ZBTB8A: variants seen among roughly 807,000 people sequenced by gnomAD.
ZBTB8A encodes zinc finger and BTB domain-containing protein 8A.
In ZBTB8A, 19 loss-of-function variants were observed where a neutral mutation model predicts 37.8. The observed-to-expected ratio is 0.50, with a 90% confidence interval of 0.35 to 0.74. The LOEUF is 0.74. Among genes scored for constraint, ZBTB8A ranks in the 30% least tolerant of loss-of-function variants. The pLI, the probability that ZBTB8A is intolerant of heterozygous loss-of-function variation, is 0.01. For synonymous variants in ZBTB8A, 181 were observed against 185.2 expected (o/e 0.98, Z 0.19); for missense variants, 394 against 537.8 (o/e 0.73, Z 2.65).
rs533497362 is a variant in ZBTB8A, at chr1:32,585,872, G to A, written c.-1-7059G>A. Among the ~76,000 whole-genome samples, 5 of 151,616 alleles carry A rather than the reference G, an allele frequency of 3.3e-5. No individual in the cohort carries two copies. In the South Asian group the frequency reaches 6.2e-4, roughly 19 times the overall value. ...ACAAAAATCAGCCGGGCGTGGTGGC[G>A]GGCTCCTATAGTCCCAGCTACTCAG... is the stretch of plus-strand genomic sequence containing the variant. On this transcript the variant is annotated intron_variant, in intron 2 of 4. Transcript: ENST00000373510.
intron 3 of ZBTB8A, among the ~76,000 whole-genome samples, chr1:32,594,783 C>G (rs1281466394): frequency 6.7e-6 from 1 of 150,106 alleles, no homozygotes; most frequent in Admixed American, 6.6e-5. Flanking sequence ...AAAAAAAAAG[C>G]ATAGCAGTCT....
chr1:32,567,186 C>A (rs1448598376), intron 2 of ZBTB8A, among the ~76,000 whole-genome samples: 2 of 152,078 alleles, frequency 1.3e-5, no homozygotes, highest in Non-Finnish European at 2.9e-5. Context: ...GCCCATCCTA[C>A]ATGTCTGGAG....
chr1:32,586,440 T>C (rs1248843967), intron 2 of ZBTB8A, among the ~76,000 whole-genome samples: 1 of 152,144 alleles, frequency 6.6e-6, no homozygotes, highest in Non-Finnish European at 1.5e-5. Context: ...GTAAGCAAAA[T>C]AGGCAAAGTC....
intron 2 of ZBTB8A, among the ~76,000 whole-genome samples, chr1:32,558,652 C>T (rs1050290424): frequency 2.0e-5 from 3 of 152,034 alleles, no homozygotes; most frequent in Non-Finnish European, 2.9e-5. Flanking sequence ...AAAGGTTTGG[C>T]CTGGGATGGT....
chr1:32,548,921 CGT>C (rs1356193251), intron 1 of ZBTB8A, among the ~76,000 whole-genome samples: 4 of 152,022 alleles, frequency 2.6e-5, no homozygotes, highest in African/African-American at 9.7e-5. Context: ...GGCCAGGCAC[CGT>C]GGCTCATGCC....
At position 32,600,359 on chromosome 1, in the gene ZBTB8A, C is replaced by G; in HGVS notation, c.1266C>G (p.Ile422Met). The change falls in exon 5 of 5, where the codon ATC becomes ATG. Residue 422 changes from isoleucine to methionine, a missense_variant. Ile to Met is a conservative substitution (Grantham distance 10, BLOSUM62 1). Transcript: ENST00000373510. ...IVEDGSADLV[I>M]QQVDDSEEEE... ...AAGATGGGTCTGCTGATCTGGTCAT[C>G]CAACAGGTTGATGATAGTGAAGAAG... The G allele has an allele frequency of 6.2e-7, 1 of 1,614,078 alleles. No individual in the cohort carries two copies. The highest frequency in any genetic ancestry group is 8.5e-7 in the Non-Finnish European group (1 of 1,180,004).
chr1:32,598,630 CAATT>C (rs1264188531), intron 4 of ZBTB8A, among the ~76,000 whole-genome samples: 2 of 152,074 alleles, frequency 1.3e-5, no homozygotes, highest in African/African-American at 4.8e-5. Flanking sequence ...CAACATTATA[CAATT>C]AATTTTTATA....
chr1:32,589,570 G>A (rs1214072000), intron 2 of ZBTB8A, among the ~76,000 whole-genome samples: 1 of 150,772 alleles, frequency 6.6e-6, no homozygotes, highest in Non-Finnish European at 1.5e-5. Context: ...GTTTGTTTGA[G>A]GTGCAGTCTC....
At chr1:32,543,476 A>T (rs542265961) in intron 1 of ZBTB8A, among the ~76,000 whole-genome samples, 69 of 152,188 alleles carry the variant, frequency 4.5e-4, no homozygotes, top group African/African-American at 1.6e-3. Context: ...AACCATCATG[A>T]CCCTCTTAAC....
In ZBTB8A at chr1:32,602,726, T is replaced by C. The variant is rs1644586830; in HGVS notation, c.*2307T>C. ...ACCACCACTCCCAGCTAATTTTTTG[T>C]ATTTTTAATAGAGATGGGGTTTCAC... On this transcript the variant is annotated 3_prime_UTR_variant, in exon 5 of 5. Transcript: ENST00000373510. The C allele has an allele frequency of 6.6e-6, 1 of 151,998 alleles. No homozygotes were observed. The highest frequency in any genetic ancestry group is 2.4e-5 in the African/African-American group (1 of 41,404). 9.4% of individuals were successfully genotyped at this position (151,998 alleles called of 1,614,324 possible).
At chr1:32,595,311 A>G in intron 4 of ZBTB8A, 88 bp downstream of exon 4, 1 of 1,338,862 alleles carries the variant, frequency 7.5e-7, no homozygotes, top group Non-Finnish European at 1.0e-6. Context: ...TCTTGTTGCC[A>G]GGCTGGAGTA....
intron 4 of ZBTB8A, among the ~76,000 whole-genome samples, chr1:32,596,357 G>A (rs1186339415): frequency 6.9e-6 from 1 of 145,460 alleles, no homozygotes; most frequent in Non-Finnish European, 1.5e-5. Context: ...GCGACTGAGC[G>A]AGACTCCATC....
chr1:32,581,834 C>T (rs915744685), intron 2 of ZBTB8A, among the ~76,000 whole-genome samples: 20 of 152,020 alleles, frequency 1.3e-4, no homozygotes, highest in Non-Finnish European at 2.2e-4. Flanking sequence ...CTTTACAGGG[C>T]GGCAGGATGG....
intron 2 of ZBTB8A, among the ~76,000 whole-genome samples, chr1:32,570,158 T>C (rs1480518399): frequency 6.6e-6 from 1 of 152,170 alleles, no homozygotes. Context: ...CATGAACCTT[T>C]CCCCATTCAG....
At chr1:32,548,420 C>T (rs1054991435) in intron 1 of ZBTB8A, among the ~76,000 whole-genome samples, 2 of 151,950 alleles carry the variant, frequency 1.3e-5, no homozygotes, top group African/African-American at 4.8e-5. Flanking sequence ...CTGCAACCAC[C>T]GTCTCCAGGG....
chr1:32,592,765 C>G (rs946440746), intron 2 of ZBTB8A, among the ~76,000 whole-genome samples, 166 bp from the exon 3 acceptor site: 1 of 152,030 alleles, frequency 6.6e-6, no homozygotes, highest in African/African-American at 2.4e-5. Flanking sequence ...GCATTGGCCT[C>G]CCAAAGTGCT....
chr1:32,601,632 A>G lies in ZBTB8A; in HGVS notation c.*1213A>G. On this transcript the variant is annotated 3_prime_UTR_variant, in exon 5 of 5. Transcript: ENST00000373510. ...ACAAATGAGGAAATTAAGGTCAGAA[A>G]GTCTGAGAGAGAAAACTGATGATTG... 1 of 398,618 alleles carries G rather than the reference A, an allele frequency of 2.5e-6. No homozygotes were observed. 24.7% of individuals were successfully genotyped at this position (398,618 alleles called of 1,614,324 possible).
chr1:32,566,346 T>A (rs1644279242), intron 2 of ZBTB8A, among the ~76,000 whole-genome samples: 1 of 151,748 alleles, frequency 6.6e-6, no homozygotes, highest in Admixed American at 6.6e-5. Context: ...AGACCCTATA[T>A]CTACAATAAA....
At chr1:32,561,585 T>C (rs1644244295) in intron 2 of ZBTB8A, among the ~76,000 whole-genome samples, 1 of 152,078 alleles carries the variant, frequency 6.6e-6, no homozygotes, top group South Asian at 2.1e-4. Flanking sequence ...TTTTGTTTTT[T>C]TGAGACCAGC....
Sources: allele counts gnomAD v4.1 joint callset (sites outside exome capture counted in the v4.1 genomes callset), GRCh38; gene constraint gnomAD v4.1.1; transcripts MANE v1.5; gene names NCBI Gene and HGNC (gene_info 2026-07-23, HGNC 2026-07-21).